Variants in MSH3 observed in about 807,000 individuals in gnomAD.
The protein encoded by MSH3 is mutS homolog 3.
In MSH3, 106 loss-of-function variants were observed where a neutral mutation model predicts 123.3. The ratio of observed to expected loss-of-function variants is 0.86; its 90% CI spans 0.73 to 1.01. The LOEUF is 1.01. Among genes scored for constraint, MSH3 ranks in the 50% least tolerant of loss-of-function variants. The pLI, the probability that MSH3 is intolerant of heterozygous loss-of-function variation, is 0.00. For missense variants in MSH3, 1,459 were observed against 1,347.6 expected (o/e 1.08, Z -1.29); for synonymous variants, 515 against 481.4 (o/e 1.07, Z -0.91).
chr5:80,766,974 A>C (rs1294788426), intron 13 of MSH3, among the ~76,000 whole-genome samples: 1 of 152,104 alleles, frequency 6.6e-6, no homozygotes, highest in Non-Finnish European at 1.5e-5. Flanking sequence ...GTAAATACAT[A>C]AAAATATATA....
chr5:80,779,338 T>C (rs1490983020), intron 17 of MSH3, among the ~76,000 whole-genome samples: 1 of 152,054 alleles, frequency 6.6e-6, no homozygotes, highest in Non-Finnish European at 1.5e-5. Flanking sequence ...TGACCCTCTA[T>C]ACACCCTTCA....
At position 80,813,666 on chromosome 5, in the gene MSH3, C is replaced by G. The variant is rs145977077; in HGVS notation, c.2738C>G (p.Thr913Ser). Residue 913 changes from threonine (T) to serine (S), a missense_variant, in exon 20 of 24, where the codon ACC becomes AGC. Transcript: ENST00000265081. ...TACATAAAACAAGTTGCATTGATTA[C>G]CATCATGGCTCAGATTGGCTCCTAT... ...SSYIKQVALI[T>S]IMAQIGSYVP... The G allele has an allele frequency of 8.7e-6, 14 of 1,613,930 alleles. No homozygotes were observed. Among genetic ancestry groups the G allele is most frequent in the African/African-American group, 1.3e-5 (1 of 74,892 alleles).
chr5:80,806,259 T>A (rs1744889291), intron 19 of MSH3, among the ~76,000 whole-genome samples: 2 of 152,134 alleles, frequency 1.3e-5, no homozygotes, highest in African/African-American at 2.4e-5. Context: ...CCACCACACC[T>A]GGCTAATTTT....
Position 80,813,637 on chromosome 5 carries a change from C to T in MSH3, c.2709C>T (p.Ser903=), listed in dbSNP as rs1580066448. Residue 903 remains serine, a synonymous_variant, in exon 20 of 24, where the codon AGC becomes AGT. Transcript: ENST00000265081. ...CCGGACCAAACATGGGTGGAAAGAG[C>T]TCCTACATAAAACAAGTTGCATTGA... The part of the protein sequence containing the change: ...IITGPNMGGK[S]SYIKQVALIT... 6.2e-7 allele frequency: 1 copy of T among 1,614,054 alleles called. No homozygotes were observed. The highest frequency in any genetic ancestry group is 1.1e-5 in the South Asian group (1 of 91,078).
rs1377231264 is a variant in MSH3 at position 80,672,847 on chromosome 5, TTA to T, written c.1018_1019del (p.Ile340TrpfsTer12). On this transcript the variant is annotated frameshift_variant, in exon 6 of 24. Transcript: ENST00000265081. LOFTEE classifies it high-confidence loss of function. Reference sequence around the variant, plus strand: ...ACTGCCCTTTATACAAAATCTACACTTATTGGAGAAGATATCCTTTTTGGACG... The same window carrying T: ...ACTGCCCTTTATACAAAATCTACACTTTGGAGAAGATATCCTTTTTGGACG... 1.2e-6 allele frequency: 2 copies of T among 1,609,294 alleles called. No individual in the cohort carries two copies. The highest frequency in any genetic ancestry group is 1.7e-6 in the Non-Finnish European group (2 of 1,175,572).
intron 11 of MSH3, among the ~76,000 whole-genome samples, chr5:80,744,096 G>A (rs1313297933): frequency 6.6e-6 from 1 of 152,142 alleles, no homozygotes; most frequent in African/African-American, 2.4e-5. Context: ...GCAAGTTCAT[G>A]TCTATCTCCA....
chr5:80,718,468 C>G (rs1220223347), intron 8 of MSH3, among the ~76,000 whole-genome samples: 1 of 148,200 alleles, frequency 6.7e-6, no homozygotes, highest in African/African-American at 2.5e-5. Flanking sequence ...CCCTCTCCAT[C>G]TCTTTTTATT....
chr5:80,801,308 G>A (rs1744785841), intron 19 of MSH3, among the ~76,000 whole-genome samples: 1 of 152,236 alleles, frequency 6.6e-6, no homozygotes. Flanking sequence ...TGCCTGGGCA[G>A]TGGCACTGGG....
At chr5:80,742,493 A>C (rs1383426720) in intron 11 of MSH3, among the ~76,000 whole-genome samples, 1 of 152,254 alleles carries the variant, frequency 6.6e-6, no homozygotes, top group South Asian at 2.1e-4. Flanking sequence ...TCATTTGATT[A>C]AGTACTGGAG....
At chr5:80,836,689 T>C (rs529754420) in intron 20 of MSH3, among the ~76,000 whole-genome samples, 1 of 151,946 alleles carries the variant, frequency 6.6e-6, no homozygotes, top group Non-Finnish European at 1.5e-5. Flanking sequence ...CCTGTGCACA[T>C]CCTCCTCGAT....
At chr5:80,728,571 T>TTTTA (rs1261113671) in intron 9 of MSH3, among the ~76,000 whole-genome samples, 1 of 152,174 alleles carries the variant, frequency 6.6e-6, no homozygotes, top group African/African-American at 2.4e-5. Context: ...GGGATGGGCA[T>TTTTA]TTTACATTTT....
intron 2 of MSH3, 130 bp downstream of exon 2, chr5:80,656,661 C>T (rs1749297508): frequency 4.1e-6 from 5 of 1,228,448 alleles, no homozygotes; most frequent in South Asian, 2.6e-5. Flanking sequence ...TGTTCCTGAG[C>T]AGAGTGGCCC....
intron 8 of MSH3, among the ~76,000 whole-genome samples, chr5:80,682,968 T>A (rs1316046298): frequency 6.6e-6 from 1 of 152,232 alleles, no homozygotes; most frequent in Non-Finnish European, 1.5e-5. Context: ...TTTATCTTTC[T>A]GTGCCTGGCT....
intron 10 of MSH3, among the ~76,000 whole-genome samples, chr5:80,733,163 CAGAGTCTG>C (rs1743440986): frequency 6.6e-6 from 1 of 152,088 alleles, no homozygotes; most frequent in South Asian, 2.1e-4. Context: ...TGATAGAATT[CAGAGTCTG>C]GAAATAAACT....
intron 8 of MSH3, among the ~76,000 whole-genome samples, chr5:80,684,610 C>T (rs1241805237): frequency 1.3e-5 from 2 of 152,122 alleles, no homozygotes; most frequent in African/African-American, 4.8e-5. Flanking sequence ...AAGTTCATCT[C>T]ATCTGCAAAC....
chr5:80,674,958 A>G (rs1287589087), intron 6 of MSH3, 25 bp from the exon 7 acceptor site: 2 of 1,495,866 alleles, frequency 1.3e-6, no homozygotes, highest in Non-Finnish European at 1.8e-6. Flanking sequence ...TTAGCATATA[A>G]TTATTTTTCT....
intron 19 of MSH3, among the ~76,000 whole-genome samples, chr5:80,807,721 G>A (rs1381845767): frequency 6.6e-6 from 1 of 152,194 alleles, no homozygotes; most frequent in Non-Finnish European, 1.5e-5. Context: ...GTCATGGGTA[G>A]CCAGAGCCTA....
rs1743986181 is a variant in MSH3, at chr5:80,759,091, A to T, written c.1764-2455A>T. 2.6e-5 allele frequency among the ~76,000 whole-genome samples: 4 copies of T among 152,230 alleles called. No homozygotes were observed. In the South Asian group the frequency reaches 8.3e-4, roughly 31 times the overall value. Reference sequence around the variant, plus strand: ...TCCAGCTCATCTTGATTTACTTTATATGTAGTCTTCAGAATGAAATTGAAT... The same window carrying T: ...TCCAGCTCATCTTGATTTACTTTATTTGTAGTCTTCAGAATGAAATTGAAT... On this transcript the variant is annotated intron_variant, in intron 12 of 23. Coordinates refer to ENST00000265081, the MANE Select transcript of MSH3 (RefSeq NM_002439.5).
At chr5:80,707,316 TAA>T (rs1262755098) in intron 8 of MSH3, among the ~76,000 whole-genome samples, 1 of 152,264 alleles carries the variant, frequency 6.6e-6, no homozygotes, top group Non-Finnish European at 1.5e-5. Flanking sequence ...CTATTTTCAT[TAA>T]AGTTACTAAC....
Sources: gnomAD v4.1 joint callset for allele counts (sites outside exome capture counted in the v4.1 genomes callset) on GRCh38, gnomAD v4.1.1 for gene constraint, MANE v1.5 for transcripts, NCBI Gene and HGNC (gene_info 2026-07-23, HGNC 2026-07-21) for gene names.